Variants in SHQ1 observed in about 807,000 individuals in gnomAD.
The protein encoded by SHQ1 is SHQ1, H/ACA ribonucleoprotein assembly factor, also known as protein SHQ1 homolog.
SHQ1 carries 49 observed loss-of-function variants against 53.8 expected under a neutral mutation model. That is an observed-to-expected ratio of 0.91 (90% CI 0.72 to 1.16). The LOEUF (loss-of-function observed/expected upper bound fraction) is 1.16, where lower values mean the gene tolerates loss of function less well. Among genes scored for constraint, SHQ1 ranks in the 50% most tolerant of loss-of-function variants. The probability of loss-of-function intolerance (pLI) is 0.00; values close to 1 mark genes in which losing one functional copy is unlikely to be tolerated. For missense variants in SHQ1, 738 were observed against 683.1 expected (o/e 1.08, Z -0.90); for synonymous variants, 243 against 251.0 (o/e 0.97, Z 0.30).
chr3:72,748,746 A>C (rs1285964248), downstream of SHQ1, among the ~76,000 whole-genome samples: 1 of 152,078 alleles, frequency 6.6e-6, no homozygotes, highest in Non-Finnish European at 1.5e-5. Context: ...CCAACCAAAC[A>C]AAAGAACTCT....
intron 10 of SHQ1, among the ~76,000 whole-genome samples, chr3:72,789,094 A>G (rs959164225): frequency 8.6e-5 from 13 of 150,616 alleles, no homozygotes; most frequent in African/African-American, 1.7e-4. Context: ...AAAAAAAAAA[A>G]AAAAGAAAAA....
intron 9 of SHQ1, among the ~76,000 whole-genome samples, chr3:72,800,198 C>A (rs1044561449): frequency 3.3e-5 from 5 of 152,162 alleles, no homozygotes; most frequent in Non-Finnish European, 7.3e-5. Flanking sequence ...TCTGATACAG[C>A]AAGAAGGCCC....
intron 9 of SHQ1, among the ~76,000 whole-genome samples, chr3:72,808,168 G>C (rs979448376): frequency 2.0e-5 from 3 of 152,054 alleles, no homozygotes; most frequent in African/African-American, 7.2e-5. Flanking sequence ...TGGTAGTATG[G>C]TGGTTAAGAG....
At chr3:72,777,762 C>T (rs1021205203) in intron 10 of SHQ1, among the ~76,000 whole-genome samples, 1 of 152,300 alleles carries the variant, frequency 6.6e-6, no homozygotes, top group African/African-American at 2.4e-5. Context: ...GTGATATCTG[C>T]AGCAGCATTT....
chr3:72,832,460 C>A lies in SHQ1; in HGVS notation c.508G>T (p.Asp170Tyr). 1 of 1,611,732 alleles carries A rather than the reference C, an allele frequency of 6.2e-7. No individual in the cohort carries two copies. The highest frequency in any genetic ancestry group is 8.5e-7 in the Non-Finnish European group (1 of 1,179,150). Residue 170 changes from aspartate to tyrosine, a missense_variant, in exon 5 of 11, where the codon GAT becomes TAT. Transcript: ENST00000325599. ...RLQDELSDVI[D>Y]IKDPDFTPAA... ...GGGGTGAAATCTGGATCCTTAATAT[C>A]AATAACATCACTCAGTTCATCCTGA...
chr3:72,842,212 C>G, intron 3 of SHQ1, 68 bp downstream of exon 3: 1 of 1,552,106 alleles, frequency 6.4e-7, no homozygotes, highest in Admixed American at 1.7e-5. Flanking sequence ...TCCCATTTCC[C>G]CTACAAATAC....
the SHQ1 span, among the ~76,000 whole-genome samples, chr3:72,735,750 A>AAGGAAGGAAGGAAGGAAGGCAGGC: frequency 1.8e-4 from 22 of 122,602 alleles, no homozygotes; most frequent in African/African-American, 7.1e-4. Flanking sequence ...GGAAGGAAGG[A>AAGGAAGGAAGGAAGGAAGGCAGGC]AGGCAGGCAG....
chr3:72,747,481 G>A (rs1001875908), downstream of SHQ1, among the ~76,000 whole-genome samples: 6 of 152,222 alleles, frequency 3.9e-5, no homozygotes, highest in Non-Finnish European at 1.5e-5. Context: ...AACAAGGTGA[G>A]ATCTACTGCT....
In SHQ1 at chr3:72,824,495, C is replaced by T; in HGVS notation, c.656G>A (p.Trp219Ter). ...CATCATTTTTGAATATTTGTCAGTC[C>T]ACCAAGGATTATACTTCAAAATCTG... ...IEQILKYNPW[W>*]TDKYSKMMAF... The change falls in exon 6 of 11, where the codon TGG (tryptophan) becomes TAG (stop). Residue 219 changes from tryptophan (W) to a stop codon, truncating the protein, a stop_gained. Coordinates refer to ENST00000325599, the MANE Select transcript of SHQ1 (RefSeq NM_018130.3). LOFTEE classifies it high-confidence loss of function. 1.2e-6 allele frequency: 2 copies of T among 1,612,814 alleles called. No homozygotes were observed. The highest frequency in any genetic ancestry group is 1.1e-5 in the South Asian group (1 of 90,808).
chr3:72,824,507 T>G lies in SHQ1; in HGVS notation c.644A>C (p.Tyr215Ser), dbSNP rs141348498. ...EDEAIEQILKYNPWWTDKYSK... is the reference protein window; with the variant it reads ...EDEAIEQILKSNPWWTDKYSK... ...ATATTTGTCAGTCCACCAAGGATTA[T>G]ACTTCAAAATCTGTTCAATCGCCTC... The change falls in exon 6 of 11, where the codon TAT (tyrosine) becomes TCT (serine). Residue 215 changes from tyrosine to serine, a missense_variant. Tyr to Ser is a moderately radical substitution (Grantham distance 144). Transcript: ENST00000325599. The G allele has an allele frequency of 3.7e-6, 6 of 1,612,544 alleles. No homozygotes were observed. The East Asian group carries it at 1.1e-4, about 30-fold the overall frequency.
intron 10 of SHQ1, among the ~76,000 whole-genome samples, chr3:72,759,085 C>A (rs1705558824): frequency 6.6e-6 from 1 of 152,206 alleles, no homozygotes; most frequent in Non-Finnish European, 1.5e-5. Context: ...CTGTTTGTGT[C>A]TTAGTGTCTC....
At chr3:72,755,073 G>A (rs144880736) in intron 10 of SHQ1, among the ~76,000 whole-genome samples, 2 of 152,230 alleles carry the variant, frequency 1.3e-5, no homozygotes, top group African/African-American at 2.4e-5. Context: ...ACACACAGGG[G>A]GACTGAAAGT....
At chr3:72,847,641 A>G (rs1575747675) in intron 1 of SHQ1, among the ~76,000 whole-genome samples, 2 of 152,276 alleles carry the variant, frequency 1.3e-5, no homozygotes, top group South Asian at 4.1e-4. Context: ...GGACAAAACC[A>G]AACAGAAGAG....
At chr3:72,816,658 A>G (rs1707328353) in intron 7 of SHQ1, among the ~76,000 whole-genome samples, 1 of 152,242 alleles carries the variant, frequency 6.6e-6, no homozygotes. Flanking sequence ...AATAATTTAC[A>G]AAAGGATTTA....
chr3:72,748,246 G>C (rs1314394368), downstream of SHQ1, among the ~76,000 whole-genome samples: 1 of 137,942 alleles, frequency 7.2e-6, no homozygotes, highest in Admixed American at 8.1e-5. Context: ...CAAAGATCAA[G>C]AGTATATATA....
chr3:72,785,256 A>T (rs2106769873), intron 10 of SHQ1, among the ~76,000 whole-genome samples: 1 of 152,290 alleles, frequency 6.6e-6, no homozygotes, highest in Non-Finnish European at 1.5e-5. Context: ...TGTACTCTTG[A>T]ATGTACAGTT....
At chr3:72,801,667 T>C (rs922162006) in intron 9 of SHQ1, among the ~76,000 whole-genome samples, 9 of 152,240 alleles carry the variant, frequency 5.9e-5, no homozygotes, top group Admixed American at 1.3e-4. Flanking sequence ...GTGAATATGT[T>C]TGCTTTCTGC....
chr3:72,812,408 T>C (rs1259178509), intron 9 of SHQ1, among the ~76,000 whole-genome samples: 1 of 152,220 alleles, frequency 6.6e-6, no homozygotes, highest in Non-Finnish European at 1.5e-5. Context: ...GCTATTATAA[T>C]GTAAAACGGT....
intron 10 of SHQ1, among the ~76,000 whole-genome samples, chr3:72,760,523 T>C (rs1705586120): frequency 1.3e-5 from 2 of 152,210 alleles, no homozygotes; most frequent in Non-Finnish European, 2.9e-5. Context: ...ATAAACGTAG[T>C]TGACATGACT....
Sources: allele counts gnomAD v4.1 joint callset (sites outside exome capture counted in the v4.1 genomes callset), GRCh38; gene constraint gnomAD v4.1.1; transcripts MANE v1.5; gene names NCBI Gene and HGNC (gene_info 2026-07-23, HGNC 2026-07-21).